GART: variants seen among roughly 807,000 people sequenced by gnomAD.
The protein encoded by GART is trifunctional purine biosynthetic protein adenosine-3.
In GART, 43 loss-of-function variants were observed where a neutral mutation model predicts 107.2. The ratio of observed to expected loss-of-function variants is 0.40; its 90% confidence interval spans 0.31 to 0.52. GART has a LOEUF of 0.52. Ranked by LOEUF, GART falls within the 20% of genes least tolerant of loss-of-function variation. The pLI is 0.52. For synonymous variants in GART, 434 were observed against 427.0 expected (o/e 1.02, Z -0.20); for missense variants, 1,107 against 1,206.5 (o/e 0.92, Z 1.22).
intron 1 of GART, among the ~76,000 whole-genome samples, chr21:33,541,006 A>G (rs999656384): frequency 6.6e-6 from 1 of 152,082 alleles, no homozygotes; most frequent in Non-Finnish European, 1.5e-5. Context: ...AACAAGTGAA[A>G]CGATGATCAT....
chr21:33,520,596 G>A (rs767851839), intron 13 of GART, 34 bp from the exon 14 acceptor site: 1 of 1,564,166 alleles, frequency 6.4e-7, no homozygotes, highest in Admixed American at 1.7e-5. Flanking sequence ...CCACATTAGG[G>A]AATAAGTTCA....
intron 4 of GART, 74 bp from the exon 5 acceptor site, chr21:33,532,530 G>A (rs930242323): frequency 5.5e-6 from 6 of 1,081,632 alleles, no homozygotes; most frequent in South Asian, 3.8e-5. Context: ...GTGGGATTTT[G>A]TAACGATATG....
chr21:33,506,922 C>T (rs767587735), intron 18 of GART, among the ~76,000 whole-genome samples: 3 of 151,712 alleles, frequency 2.0e-5, no homozygotes, highest in Non-Finnish European at 4.4e-5. Flanking sequence ...AACACGCTGG[C>T]GAAGATGTGG....
chr21:33,504,422 T>G lies in GART; in HGVS notation c.2831A>C (p.His944Pro), dbSNP rs1400887158. 1 of 1,613,744 alleles carries G rather than the reference T, an allele frequency of 6.2e-7. No individual in the cohort carries two copies. The highest frequency in any genetic ancestry group is 8.5e-7 in the Non-Finnish European group (1 of 1,179,700). The stretch of plus-strand genomic sequence containing the variant: ...AAAAGACATACTCACAGCTACAAAG[T>G]GTACAGTGCACCCAGTAACTGTGAC... Reference protein sequence around the residue: ...TGVTVTGCTVHFVAEDVDAGQ... With the variant: ...TGVTVTGCTVPFVAEDVDAGQ... The change falls in exon 21 of 22, where the codon CAC (histidine) becomes CCC (proline). Residue 944 changes from histidine (H) to proline (P), a missense_variant. Transcript: ENST00000381815.
At position 33,532,437 on chromosome 21, in the gene GART, C is replaced by T. The variant is rs569917408; in HGVS notation, c.436G>A (p.Val146Ile). The T allele has an allele frequency of 1.9e-6, 3 of 1,613,816 alleles. No homozygotes were observed. The highest frequency in any genetic ancestry group is 2.5e-6 in the Non-Finnish European group (3 of 1,179,936). Residue 146 changes from valine (V) to isoleucine (I), a missense_variant, in exon 5 of 22, where the codon GTT (valine) becomes ATT (isoleucine). Coordinates refer to ENST00000381815, the MANE Select transcript of GART (RefSeq NM_000819.5). Reference sequence around the variant, plus strand: ...GCTGCAAGACCACTGGCCTTCACAACCAAAGCAGGGAAGTCTGCACTGTAA... The same window carrying T: ...GCTGCAAGACCACTGGCCTTCACAATCAAAGCAGGGAAGTCTGCACTGTAA... ...FILSADFPALVVKASGLAAGK... is the reference protein window; with the variant it reads ...FILSADFPALIVKASGLAAGK...
At chr21:33,518,798 G>A (rs979454356) in intron 14 of GART, 6 of 495,894 alleles carry the variant, frequency 1.2e-5, no homozygotes, top group Non-Finnish European at 2.4e-5. Context: ...AGCTTCAGTC[G>A]GTCTCCTTAA....
intron 15 of GART, 24 bp downstream of exon 15, chr21:33,517,333 C>G (rs569448040): frequency 1.4e-5 from 22 of 1,613,198 alleles, no homozygotes; most frequent in Non-Finnish European, 1.9e-5. Context: ...CCAAGCAGGA[C>G]AGTTTAAACA....
chr21:33,505,859 A>G (rs980578815), intron 19 of GART, 115 bp downstream of exon 19: 22 of 1,462,420 alleles, frequency 1.5e-5, no homozygotes, highest in Non-Finnish European at 2.0e-5. Context: ...CAAGCCCAGC[A>G]CCCACCCAAA....
intron 16 of GART, among the ~76,000 whole-genome samples, chr21:33,515,652 CAAAAAAAAAAAAAA>C (rs71194850): frequency 5.6e-5 from 2 of 35,878 alleles, no homozygotes; most frequent in African/African-American, 1.3e-4. Flanking sequence ...GACTCCAACT[CAAAAAAAAAAAAAA>C]AAAAAAAAAC....
Position 33,534,761 on chromosome 21 carries a change from T to G in GART, c.242-8A>C. 3 of 1,562,040 alleles carry G rather than the reference T, an allele frequency of 1.9e-6. No homozygotes were observed. Among genetic ancestry groups the G allele is most frequent in the Non-Finnish European group, 2.6e-6 (3 of 1,158,968 alleles). On this transcript the variant is annotated splice_region_variant and splice_polypyrimidine_tract_variant and intron_variant, in intron 3 of 21. Coordinates refer to ENST00000381815, the MANE Select transcript of GART (RefSeq NM_000819.5). The stretch of plus-strand genomic sequence containing the variant: ...TCAGGTTCCCAACAATCCCTATTGA[T>G]GAAAACAGTAGCCTTAGGTGAACCA...
At chr21:33,521,127 C>T in intron 12 of GART, 112 bp from the exon 13 acceptor site, 2 of 738,748 alleles carry the variant, frequency 2.7e-6, no homozygotes, top group Non-Finnish European at 4.5e-6. Flanking sequence ...GTGAGATGTA[C>T]TTCTGGAAGA....
At chr21:33,529,785 A>G (rs2085148467) in intron 7 of GART, 2 of 154,638 alleles carry the variant, frequency 1.3e-5, no homozygotes, top group Non-Finnish European at 2.9e-5. Flanking sequence ...AGCAAGAAAA[A>G]TATGTAAAGG....
chr21:33,540,578 TAGAAGGATGGATAC>T (rs2085394582), intron 1 of GART, among the ~76,000 whole-genome samples: 1 of 152,202 alleles, frequency 6.6e-6, no homozygotes, highest in Non-Finnish European at 1.5e-5. Context: ...ACCTGAGACT[TAGAAGGATGGATAC>T]AACAGCAGTG....
chr21:33,517,121 T>A lies in GART; in HGVS notation c.1975A>T (p.Thr659Ser). 1 of 1,611,272 alleles carries A rather than the reference T, an allele frequency of 6.2e-7. No individual in the cohort carries two copies. Among genetic ancestry groups the A allele is most frequent in the South Asian group, 1.1e-5 (1 of 90,164 alleles). ...QTLGDLLLTPTRIYSHSLLPV... is the reference protein window; with the variant it reads ...QTLGDLLLTPSRIYSHSLLPV... Reference sequence around the variant, plus strand: ...AACAGTGAATGGCTGTAGATTCTGGTAGGCGTGAGAAGTAAGTCCCCTGCA... The same window carrying A: ...AACAGTGAATGGCTGTAGATTCTGGAAGGCGTGAGAAGTAAGTCCCCTGCA... Residue 659 changes from threonine (T) to serine (S), a missense_variant, in exon 16 of 22, where the codon ACC (threonine) becomes TCC (serine). Thr to Ser is a moderately conservative substitution (Grantham distance 58). Transcript: ENST00000381815.
At chr21:33,537,928 T>A (rs1175248159) in intron 2 of GART, among the ~76,000 whole-genome samples, 2 of 152,116 alleles carry the variant, frequency 1.3e-5, no homozygotes, top group African/African-American at 4.8e-5. Context: ...CTGACCATTT[T>A]TTCATTTTTG....
intron 3 of GART, 60 bp from the exon 4 acceptor site, chr21:33,534,813 G>A: frequency 1.4e-6 from 2 of 1,424,710 alleles, no homozygotes; most frequent in Non-Finnish European, 1.9e-6. Context: ...TTTTCAGCCT[G>A]AAGACGAATT....
rs1049711426 is a variant in GART at position 33,512,176 on chromosome 21, C to A, written c.2108-718G>T. On this transcript the variant is annotated intron_variant, in intron 16 of 21. Transcript: ENST00000381815. ...GCGCACACCTGTAGTCCCAGCTACTCGGGAGGCTGAGGCAGGAGAATCACT... is the reference window on the plus strand; with the variant it reads ...GCGCACACCTGTAGTCCCAGCTACTAGGGAGGCTGAGGCAGGAGAATCACT... 4.7e-5 allele frequency among the ~76,000 whole-genome samples: 7 copies of A among 149,906 alleles called. No individual in the cohort carries two copies. In the Admixed American group the frequency reaches 4.7e-4, roughly 10 times the overall value.
chr21:33,535,592 T>C (rs1013989330), intron 2 of GART, among the ~76,000 whole-genome samples: 9 of 152,162 alleles, frequency 5.9e-5, no homozygotes, highest in Non-Finnish European at 1.0e-4. Context: ...ATCACCTCCA[T>C]GATATTGTTC....
In GART at chr21:33,517,587, G is replaced by A. The variant is rs769878704; in HGVS notation, c.1724C>T (p.Pro575Leu). ...ATACTCTCCAGGGGGATACATGTCA[G>A]GCATTTCTGCTGTTTCACCTCCTGG... is the stretch of plus-strand genomic sequence containing the variant. Reference protein sequence around the residue: ...ALLGGETAEMPDMYPPGEYDL... With the variant: ...ALLGGETAEMLDMYPPGEYDL... The change falls in exon 15 of 22, where the codon CCT (proline) becomes CTT (leucine). Residue 575 changes from proline (P) to leucine (L), a missense_variant. Transcript: ENST00000381815. The A allele has an allele frequency of 6.8e-6, 11 of 1,614,092 alleles. No individual in the cohort carries two copies. The highest frequency in any genetic ancestry group is 1.1e-5 in the South Asian group (1 of 91,092).
Sources: allele counts gnomAD v4.1 joint callset (sites outside exome capture counted in the v4.1 genomes callset), GRCh38; gene constraint gnomAD v4.1.1; transcripts MANE v1.5; gene names NCBI Gene and HGNC (gene_info 2026-07-23, HGNC 2026-07-21).